Variants in PLD5 observed in about 807,000 individuals in gnomAD.
PLD5 encodes inactive phospholipase D5.
In PLD5, 36 loss-of-function variants were observed where a neutral mutation model predicts 61.1. The observed-to-expected ratio is 0.59, with a 90% confidence interval of 0.45 to 0.78. The LOEUF is 0.78. PLD5 is among the 30% of genes least tolerant of loss of function. The pLI, the probability that PLD5 is intolerant of heterozygous loss-of-function variation, is 0.00. For missense variants in PLD5, 515 were observed against 644.4 expected, an observed-to-expected ratio of 0.80 and a Z score of 2.17; for synonymous variants, 243 against 242.8, an observed-to-expected ratio of 1.00 and a Z score of -0.01.
intron 9 of PLD5, among the ~76,000 whole-genome samples, chr1:242,093,879 G>A (rs1036961463): frequency 6.6e-6 from 1 of 152,068 alleles, no homozygotes; most frequent in East Asian, 1.9e-4. Context: ...ATGAAATATA[G>A]CTTTTTTTTT....
intron 4 of PLD5, among the ~76,000 whole-genome samples, chr1:242,263,927 A>G (rs1395977059): frequency 6.6e-6 from 1 of 152,240 alleles, no homozygotes; most frequent in East Asian, 1.9e-4. Context: ...TGAGTTTACA[A>G]GCTTTAGCAT....
chr1:242,513,699 A>G (rs1669008905), intron 1 of PLD5, among the ~76,000 whole-genome samples: 1 of 152,260 alleles, frequency 6.6e-6, no homozygotes, highest in Non-Finnish European at 1.5e-5. Flanking sequence ...AAGATGGATA[A>G]TATGAATCAA....
intron 2 of PLD5, among the ~76,000 whole-genome samples, chr1:242,337,542 A>C (rs1659594013): frequency 6.6e-6 from 1 of 152,172 alleles, no homozygotes; most frequent in South Asian, 2.1e-4. Flanking sequence ...GAGGCCGAAG[A>C]ATTGCTTGAA....
At chr1:242,191,412 C>A (rs1166988267) in intron 5 of PLD5, among the ~76,000 whole-genome samples, 1 of 151,982 alleles carries the variant, frequency 6.6e-6, no homozygotes, top group African/African-American at 2.4e-5. Flanking sequence ...ATGGTGAAAC[C>A]CCATCTCTAC....
intron 9 of PLD5, among the ~76,000 whole-genome samples, chr1:242,091,954 G>A (rs893729708): frequency 2.0e-5 from 3 of 151,288 alleles, no homozygotes; most frequent in Non-Finnish European, 4.4e-5. Context: ...AGCCTCCTGA[G>A]TAACTGGGAT....
intron 1 of PLD5, among the ~76,000 whole-genome samples, chr1:242,512,874 T>A (rs947497762): frequency 1.5e-4 from 22 of 151,602 alleles, no homozygotes; most frequent in Admixed American, 1.4e-3. Flanking sequence ...TTTTTATTTT[T>A]TCTTTTTTTT....
At chr1:242,512,739 C>T (rs1668969272) in intron 1 of PLD5, among the ~76,000 whole-genome samples, 1 of 152,238 alleles carries the variant, frequency 6.6e-6, no homozygotes, top group Non-Finnish European at 1.5e-5. Flanking sequence ...TCAATGAAAT[C>T]TCAACCTGTG....
intron 2 of PLD5, among the ~76,000 whole-genome samples, chr1:242,326,932 C>T (rs1443990603): frequency 1.3e-5 from 2 of 151,702 alleles, no homozygotes; most frequent in East Asian, 3.9e-4. Flanking sequence ...GTGGTGCAAT[C>T]TCGGCTCACT....
chr1:242,484,190 G>A (rs1667878933), intron 1 of PLD5, among the ~76,000 whole-genome samples: 1 of 151,964 alleles, frequency 6.6e-6, no homozygotes. Flanking sequence ...GCTAGCAGAA[G>A]GCAAGAAATA....
intron 1 of PLD5, among the ~76,000 whole-genome samples, chr1:242,433,467 T>C (rs1009523552): frequency 6.6e-6 from 1 of 152,228 alleles, no homozygotes; most frequent in African/African-American, 2.4e-5. Flanking sequence ...TCTAAACATA[T>C]TGTTTCGCAC....
rs141003761 is a variant in PLD5 at position 242,408,344 on chromosome 1, T to C, written c.190-60102A>G. On this transcript the variant is annotated intron_variant, in intron 1 of 9. Transcript: ENST00000536534. Reference sequence around the variant, plus strand: ...AAAAACAATGGTGTTCCTGTTGATATGGTTTGGAGGTTTGTCCCCTCCAAA... The same window carrying C: ...AAAAACAATGGTGTTCCTGTTGATACGGTTTGGAGGTTTGTCCCCTCCAAA... Among the ~76,000 whole-genome samples, 288 of 152,330 alleles carry C rather than the reference T, an allele frequency of 1.9e-3. 2 individuals carry two copies. Among genetic ancestry groups the C allele is most frequent in the Middle Eastern group, 3.4e-3 (1 of 294 alleles).
At chr1:242,358,645 G>A (rs1319552220) in intron 1 of PLD5, among the ~76,000 whole-genome samples, 1 of 151,726 alleles carries the variant, frequency 6.6e-6, no homozygotes, top group African/African-American at 2.4e-5. Flanking sequence ...ATATTCTCCA[G>A]CTGGAATATA....
At chr1:242,165,599 G>A (rs1347278772) in intron 5 of PLD5, among the ~76,000 whole-genome samples, 2 of 152,140 alleles carry the variant, frequency 1.3e-5, no homozygotes, top group Non-Finnish European at 2.9e-5. Flanking sequence ...TGTGATTAAG[G>A]AAAAGATAAA....
At chr1:242,403,193 A>G (rs1664037314) in intron 1 of PLD5, among the ~76,000 whole-genome samples, 1 of 152,280 alleles carries the variant, frequency 6.6e-6, no homozygotes, top group South Asian at 2.1e-4. Flanking sequence ...AGGGGTGCAG[A>G]AGGTCCTCTG....
At chr1:242,377,134 G>A (rs2149251945) in intron 1 of PLD5, 1 of 1,611,754 alleles carries the variant, frequency 6.2e-7, no homozygotes, top group African/African-American at 1.3e-5. Flanking sequence ...GACACTGGCT[G>A]AGGTTCCTTT....
chr1:242,318,124 G>C (rs1658137369), intron 2 of PLD5, among the ~76,000 whole-genome samples: 1 of 152,216 alleles, frequency 6.6e-6, no homozygotes, highest in Admixed American at 6.5e-5. Context: ...AAACAAAAAG[G>C]GAGTAATAAT....
chr1:242,402,057 G>A (rs1440402566), intron 1 of PLD5, among the ~76,000 whole-genome samples: 5 of 152,150 alleles, frequency 3.3e-5, no homozygotes, highest in African/African-American at 4.8e-5. Flanking sequence ...TTCTTCCAAG[G>A]CCTTAGCACT....
chr1:242,150,636 T>C (rs1664858988), intron 5 of PLD5, among the ~76,000 whole-genome samples: 1 of 151,864 alleles, frequency 6.6e-6, no homozygotes, highest in Admixed American at 6.6e-5. Context: ...CAACTTTCTT[T>C]CGACAAGTGG....
At chr1:242,207,902 A>ATATTTATATATTTATATATTT in intron 5 of PLD5, among the ~76,000 whole-genome samples, 1 of 21,078 alleles carries the variant, frequency 4.7e-5, no homozygotes, top group Admixed American at 6.9e-4. Context: ...ATATTTATAT[A>ATATTTATATATTTATATATTT]TTTATATATA....
Sources: allele counts gnomAD v4.1 joint callset (sites outside exome capture counted in the v4.1 genomes callset), GRCh38; gene constraint gnomAD v4.1.1; transcripts MANE v1.5; gene names NCBI Gene and HGNC (gene_info 2026-07-23, HGNC 2026-07-21).